MTUS2: variants seen among roughly 807,000 people sequenced by gnomAD.
The protein encoded by MTUS2 is microtubule-associated tumor suppressor candidate 2.
A neutral mutation model predicts 114.1 loss-of-function variants in MTUS2; 40 were observed. The ratio of observed to expected loss-of-function variants is 0.35; its 90% CI spans 0.27 to 0.46. MTUS2 has a LOEUF of 0.46. Ranked by LOEUF, MTUS2 falls within the 20% of genes least tolerant of loss-of-function variation. The pLI, the probability that MTUS2 is intolerant of heterozygous loss-of-function variation, is 1.00. For synonymous variants in MTUS2, 688 were observed against 672.0 expected (o/e 1.02, Z -0.37); for missense variants, 1,679 against 1,705.4 (o/e 0.98, Z 0.27).
At chr13:28,963,564 A>T (rs1444777627) in intron 2 of MTUS2, among the ~76,000 whole-genome samples, 2 of 152,182 alleles carry the variant, frequency 1.3e-5, no homozygotes, top group East Asian at 3.9e-4. Flanking sequence ...GTGTATGTGT[A>T]TGAGAGTGTG....
At chr13:29,028,246 G>A (rs1401874543) in intron 3 of MTUS2, among the ~76,000 whole-genome samples, 1 of 152,218 alleles carries the variant, frequency 6.6e-6, no homozygotes, top group Non-Finnish European at 1.5e-5. Flanking sequence ...AGGAACTGGG[G>A]AGGCTGAGGC....
intron 5 of MTUS2, among the ~76,000 whole-genome samples, chr13:29,160,614 C>A (rs1383414337): frequency 6.6e-6 from 1 of 151,922 alleles, no homozygotes; most frequent in East Asian, 1.9e-4. Flanking sequence ...ACTAAAAATA[C>A]AAAAAATTAG....
chr13:28,901,437 T>C (rs1421108825), intron 2 of MTUS2, among the ~76,000 whole-genome samples: 2 of 152,216 alleles, frequency 1.3e-5, no homozygotes, highest in Non-Finnish European at 2.9e-5. Flanking sequence ...TCTTTTTGTC[T>C]AGCCTTAGAT....
chr13:29,031,261 T>TGTGTGTGTGTGTGTGTGA (rs1886805333), intron 3 of MTUS2, among the ~76,000 whole-genome samples: 2 of 149,236 alleles, frequency 1.3e-5, no homozygotes, highest in Non-Finnish European at 3.0e-5. Context: ...TGTGTGTGTG[T>TGTGTGTGTGTGTGTGTGA]GTGTGTGTGG....
intron 10 of MTUS2, 97 bp from the exon 11 acceptor site, chr13:29,487,803 T>G: frequency 1.1e-6 from 1 of 912,828 alleles, no homozygotes; most frequent in Non-Finnish European, 1.8e-6. Context: ...TGACTTGTCA[T>G]TGATGTTTTG....
chr13:29,218,656 T>A (rs1386833558), intron 5 of MTUS2, among the ~76,000 whole-genome samples: 1 of 152,226 alleles, frequency 6.6e-6, no homozygotes, highest in Non-Finnish European at 1.5e-5. Flanking sequence ...TTAGCAGACA[T>A]GAAAATAAGT....
chr13:29,037,381 CTGTT>C lies in MTUS2; in HGVS notation c.2446+3257_2446+3260del, dbSNP rs1218566187. ...TGTAGAGTTTCTGCTGAGAGATCCA[CTGTT>C]AAGCTGATGGACTTCCCTTTGTGGG... On this transcript the variant is annotated intron_variant, in intron 4 of 15. Transcript: ENST00000612955. 1.8e-4 allele frequency among the ~76,000 whole-genome samples: 28 copies of C among 152,278 alleles called. 1 individual carries two copies. Among genetic ancestry groups the C allele is most frequent in the Admixed American group, 1.4e-3 (21 of 15,298 alleles).
Position 29,480,557 on chromosome 13 carries a change from T to C in MTUS2, c.3399+193T>C, listed in dbSNP as rs1423704143. On this transcript the variant is annotated intron_variant, in intron 10 of 15. Transcript: ENST00000612955. The surrounding 1 kb of genome is among the most constrained non-coding windows in gnomAD (Gnocchi z 4.4). The stretch of plus-strand genomic sequence containing the variant: ...CCACTGTGGCCTCCTTCACTCTTCC[T>C]CAGGGTTTTCACACTTGCTGTGCCC... 6.6e-6 allele frequency among the ~76,000 whole-genome samples: 1 copy of C among 152,210 alleles called. No homozygotes were observed. Among genetic ancestry groups the C allele is most frequent in the African/African-American group, 2.4e-5 (1 of 41,454 alleles).
At chr13:29,037,854 G>C (rs1014629603) in intron 4 of MTUS2, among the ~76,000 whole-genome samples, 1 of 152,088 alleles carries the variant, frequency 6.6e-6, no homozygotes, top group African/African-American at 2.4e-5. Context: ...TGTGTTTTCA[G>C]CTCCATCAGG....
intron 7 of MTUS2, among the ~76,000 whole-genome samples, chr13:29,342,929 G>C (rs1901472098): frequency 6.6e-6 from 1 of 151,980 alleles, no homozygotes; most frequent in African/African-American, 2.4e-5. Flanking sequence ...TGTTATTTTT[G>C]TTTTTAATTC....
At chr13:28,842,468 C>T (rs1424591779) in intron 2 of MTUS2, among the ~76,000 whole-genome samples, 3 of 152,084 alleles carry the variant, frequency 2.0e-5, no homozygotes, top group Non-Finnish European at 4.4e-5. Context: ...AATGATATTC[C>T]TTATTAGAAA....
chr13:29,267,962 A>G (rs998678730), intron 5 of MTUS2, among the ~76,000 whole-genome samples: 5 of 152,188 alleles, frequency 3.3e-5, no homozygotes, highest in African/African-American at 1.2e-4. Context: ...CTAAGAGATC[A>G]TTTAGAATCC....
intron 9 of MTUS2, among the ~76,000 whole-genome samples, chr13:29,473,573 T>G (rs908609539): frequency 2.0e-5 from 3 of 152,238 alleles, no homozygotes; most frequent in African/African-American, 7.2e-5. Context: ...ATATATTATA[T>G]ATGTCGGAGG....
chr13:29,407,723 C>T (rs934354210), intron 8 of MTUS2, among the ~76,000 whole-genome samples: 1 of 152,060 alleles, frequency 6.6e-6, no homozygotes, highest in African/African-American at 2.4e-5. Context: ...AAGTGATTCA[C>T]CTGCCGCAGC....
intron 8 of MTUS2, among the ~76,000 whole-genome samples, chr13:29,362,386 A>T (rs940027672): frequency 6.6e-6 from 1 of 152,188 alleles, no homozygotes; most frequent in East Asian, 1.9e-4. Flanking sequence ...CAAGTGGGAG[A>T]AGGTGAAAAC....
rs141014019 is a variant in MTUS2 at position 29,093,876 on chromosome 13, G to A, written c.2447-6897G>A. Among the ~76,000 whole-genome samples, 34 of 152,182 alleles carry A rather than the reference G, an allele frequency of 2.2e-4. No individual in the cohort carries two copies. The East Asian group carries it at 6.0e-3, about 27-fold the overall frequency. ...TCAGTCTTTTACTGTATTAGCTGTAGGTTTTTCCAATAAGCCCTTATAAGA... is the reference window on the plus strand; with the variant it reads ...TCAGTCTTTTACTGTATTAGCTGTAAGTTTTTCCAATAAGCCCTTATAAGA... On this transcript the variant is annotated intron_variant, in intron 4 of 15. Coordinates refer to ENST00000612955, the MANE Select transcript of MTUS2 (RefSeq NM_001033602.4).
chr13:29,033,979 A>C lies in MTUS2; in HGVS notation c.2300A>C (p.Lys767Thr), dbSNP rs1886947851. ...TTCTATCGGTCAGCCATGCTCCTTA[A>C]GCCCCAGCTAGGATTGGGTGCAATG... ...PTFYRSAMLL[K>T]PQLGLGAMSR... The change falls in exon 4 of 16, where the codon AAG becomes ACG. Residue 767 changes from lysine to threonine, a missense_variant. This residue lies in a region of MTUS2 where 822 missense variants were observed against 899.7 expected (regional missense o/e 0.91). Transcript: ENST00000612955. 1 of 1,613,898 alleles carries C rather than the reference A, an allele frequency of 6.2e-7. No individual in the cohort carries two copies. Among genetic ancestry groups the C allele is most frequent in the African/African-American group, 1.3e-5 (1 of 74,924 alleles).
rs551075563 is a variant in MTUS2 at position 29,123,588 on chromosome 13, A to C, written c.2644+22618A>C. Among the ~76,000 whole-genome samples the C allele has an allele frequency of 3.4e-4, 52 of 152,070 alleles. No individual in the cohort carries two copies. In the Middle Eastern group the frequency reaches 0.01, roughly 30 times the overall value. On this transcript the variant is annotated intron_variant, in intron 5 of 15. Coordinates refer to ENST00000612955, the MANE Select transcript of MTUS2 (RefSeq NM_001033602.4). ...AAAAATTAGCTGGGCATGGTGGTGC[A>C]TTTCTGTAATCCCTGCTACTCAGGA...
At chr13:29,341,612 T>C (rs9506149) in intron 7 of MTUS2, among the ~76,000 whole-genome samples, 29,527 of 152,168 alleles carry the variant, frequency 0.19, 2,998 homozygotes, top group Non-Finnish European at 0.23. Flanking sequence ...CTCTGCTGAT[T>C]ATTGCATTTA....
Sources: gnomAD v4.1 joint callset for allele counts (sites outside exome capture counted in the v4.1 genomes callset) on GRCh38, gnomAD v4.1.1 for gene constraint, gnomAD v4.1.1 regional missense constraint, Gnocchi (gnomAD v3.1) non-coding constraint, MANE v1.5 for transcripts, NCBI Gene and HGNC (gene_info 2026-07-23, HGNC 2026-07-21) for gene names.